LRP1B: variants seen among roughly 807,000 people sequenced by gnomAD.
LRP1B encodes the protein low-density lipoprotein receptor-related protein 1B.
In LRP1B, 217 loss-of-function variants were observed where a neutral mutation model predicts 556.6. The ratio of observed to expected loss-of-function variants is 0.39; its 90% CI spans 0.35 to 0.44. LRP1B has a LOEUF of 0.44. LRP1B is among the 20% of genes least tolerant of loss of function. LRP1B has a pLI of 1.00. For missense variants in LRP1B, 5,053 were observed against 5,620.8 expected, an observed-to-expected ratio of 0.90 and a Z score of 3.23; for synonymous variants, 2,047 against 1,865.8, an observed-to-expected ratio of 1.10 and a Z score of -2.50.
At chr2:141,592,864 T>C (rs1056719064) in intron 2 of LRP1B, among the ~76,000 whole-genome samples, 2 of 152,196 alleles carry the variant, frequency 1.3e-5, no homozygotes, top group African/African-American at 2.4e-5. Context: ...GGAAAAACTT[T>C]TTAAATAAAG....
chr2:140,311,872 G>C (rs1558791863), intron 83 of LRP1B, among the ~76,000 whole-genome samples: 1 of 151,628 alleles, frequency 6.6e-6, no homozygotes, highest in South Asian at 2.1e-4. Flanking sequence ...GGTGACTGTG[G>C]ATTTTATGCC....
intron 7 of LRP1B, among the ~76,000 whole-genome samples, chr2:141,064,857 A>G (rs1254307056): frequency 6.6e-6 from 1 of 151,926 alleles, no homozygotes; most frequent in African/African-American, 2.4e-5. Flanking sequence ...TGTCATTTGT[A>G]ATATAAATGT....
intron 27 of LRP1B, among the ~76,000 whole-genome samples, chr2:140,859,764 G>T (rs1049164563): frequency 1.3e-5 from 2 of 152,040 alleles, no homozygotes; most frequent in East Asian, 3.9e-4. Flanking sequence ...GGAGGCCGAG[G>T]TGGGCGGATC....
intron 2 of LRP1B, among the ~76,000 whole-genome samples, chr2:141,548,943 C>A (rs1237923838): frequency 2.0e-5 from 3 of 150,908 alleles, no homozygotes; most frequent in Admixed American, 2.0e-4. Flanking sequence ...TTAAACGTTG[C>A]TGGTTAAAAA....
intron 66 of LRP1B, among the ~76,000 whole-genome samples, chr2:140,434,383 C>T (rs539492632): frequency 6.6e-6 from 1 of 152,182 alleles, no homozygotes; most frequent in Admixed American, 6.5e-5. Context: ...TAATAGTTTT[C>T]AAGTAACTTC....
chr2:142,090,819 C>A (rs1017123211), intron 1 of LRP1B, among the ~76,000 whole-genome samples: 1 of 151,974 alleles, frequency 6.6e-6, no homozygotes, highest in Non-Finnish European at 1.5e-5. Context: ...AGTTTCCAGG[C>A]TATTATTACA....
chr2:141,397,680 A>G (rs1171347015), intron 3 of LRP1B, among the ~76,000 whole-genome samples: 2 of 151,884 alleles, frequency 1.3e-5, no homozygotes, highest in Non-Finnish European at 2.9e-5. Context: ...TTTCTGAAAT[A>G]CTTGGCATAT....
chr2:141,430,255 T>G (rs1680514935), intron 3 of LRP1B, among the ~76,000 whole-genome samples: 1 of 152,192 alleles, frequency 6.6e-6, no homozygotes, highest in Non-Finnish European at 1.5e-5. Flanking sequence ...GCAAAGCATC[T>G]TAATGAATAA....
At chr2:141,799,358 G>A (rs1471832683) in intron 2 of LRP1B, among the ~76,000 whole-genome samples, 1 of 152,164 alleles carries the variant, frequency 6.6e-6, no homozygotes, top group Non-Finnish European at 1.5e-5. Context: ...CACAGAAGCG[G>A]AAGCCAGGGA....
At chr2:140,408,659 A>C (rs1457181503) in intron 66 of LRP1B, among the ~76,000 whole-genome samples, 1 of 151,990 alleles carries the variant, frequency 6.6e-6, no homozygotes, top group Non-Finnish European at 1.5e-5. Flanking sequence ...GAGTTACACT[A>C]CTATCTGAGG....
At chr2:140,877,079 A>AT (rs1282844050) in intron 25 of LRP1B, among the ~76,000 whole-genome samples, 3 of 150,864 alleles carry the variant, frequency 2.0e-5, no homozygotes, top group African/African-American at 7.3e-5. Context: ...TTTTTTCTCC[A>AT]TTTTTTTCTA....
intron 60 of LRP1B, among the ~76,000 whole-genome samples, chr2:140,458,238 G>A (rs1687183073): frequency 6.6e-6 from 1 of 152,030 alleles, no homozygotes; most frequent in African/African-American, 2.4e-5. Context: ...ATGGGGTAGA[G>A]GGAAATAAGT....
intron 6 of LRP1B, among the ~76,000 whole-genome samples, chr2:141,195,422 C>T (rs1003491792): frequency 1.3e-5 from 2 of 152,076 alleles, no homozygotes; most frequent in African/African-American, 4.8e-5. Context: ...AATTTCTGAC[C>T]CATAGAAACT....
chr2:141,048,202 G>A (rs1014077060), intron 11 of LRP1B, among the ~76,000 whole-genome samples: 3 of 152,046 alleles, frequency 2.0e-5, no homozygotes, highest in African/African-American at 7.2e-5. Context: ...TATTCAAGAA[G>A]TAAGCAGACT....
intron 79 of LRP1B, among the ~76,000 whole-genome samples, chr2:140,331,667 A>AAC (rs1680819622): frequency 7.3e-6 from 1 of 137,492 alleles, no homozygotes; most frequent in Admixed American, 7.5e-5. Flanking sequence ...TTTTAAAGTT[A>AAC]GTTATCACTA....
chr2:141,211,822 G>A (rs1276761631), intron 6 of LRP1B, among the ~76,000 whole-genome samples: 1 of 152,138 alleles, frequency 6.6e-6, no homozygotes, highest in Non-Finnish European at 1.5e-5. Flanking sequence ...CACGTCCTCA[G>A]ATCAACATAT....
intron 7 of LRP1B, among the ~76,000 whole-genome samples, chr2:141,120,340 A>C (rs1701015892): frequency 6.6e-6 from 1 of 151,938 alleles, no homozygotes; most frequent in Non-Finnish European, 1.5e-5. Flanking sequence ...TTTGCAAATG[A>C]ATTTGGTGGC....
chr2:142,115,457 C>CTA (rs148369819), intron 1 of LRP1B, among the ~76,000 whole-genome samples: 14 of 88,346 alleles, frequency 1.6e-4, no homozygotes, highest in African/African-American at 4.0e-4. Context: ...GAGTCTATAC[C>CTA]TATATATATA....
intron 41 of LRP1B, among the ~76,000 whole-genome samples, chr2:140,697,296 G>A (rs1311296638): frequency 6.6e-6 from 1 of 151,894 alleles, no homozygotes; most frequent in African/African-American, 2.4e-5. Flanking sequence ...AACCTCCTAG[G>A]GCATCTTTGC....
Sources: allele counts gnomAD v4.1 joint callset (sites outside exome capture counted in the v4.1 genomes callset), GRCh38; gene constraint gnomAD v4.1.1; transcripts MANE v1.5; gene names NCBI Gene and HGNC (gene_info 2026-07-23, HGNC 2026-07-21).